The following NXPE2 variants were observed in gnomAD, a reference collection of about 807,000 sequenced individuals.
The protein encoded by NXPE2 is NXPE family member 2.
A neutral mutation model predicts 34.4 loss-of-function variants in NXPE2; 34 were observed. That is an observed-to-expected ratio of 0.99 (90% CI 0.75 to 1.31). The LOEUF (loss-of-function observed/expected upper bound fraction) is 1.31, where lower values mean the gene tolerates loss of function less well. NXPE2 is among the 40% of genes most tolerant of loss of function. The probability of loss-of-function intolerance (pLI) is 0.00; values close to 1 mark genes in which losing one functional copy is unlikely to be tolerated. For missense variants in NXPE2, 649 were observed against 672.5 expected, an observed-to-expected ratio of 0.97 and a Z score of 0.39; for synonymous variants, 235 against 231.3, an observed-to-expected ratio of 1.02 and a Z score of -0.15.
the NXPE2 span, among the ~76,000 whole-genome samples, chr11:114,813,678 A>G: frequency 1.3e-5 from 2 of 152,266 alleles, no homozygotes; most frequent in African/African-American, 2.4e-5. Context: ...CAAATGTTGC[A>G]ATGAATAAAA....
At chr11:114,582,994 A>G in the NXPE2 span, 15 of 1,613,186 alleles carry the variant, frequency 9.3e-6, no homozygotes, top group Non-Finnish European at 1.3e-5. Flanking sequence ...TAATGGAGGG[A>G]GATGGATAAG....
chr11:114,691,724 G>C (rs1951154032), intron 2 of NXPE2, among the ~76,000 whole-genome samples: 1 of 152,240 alleles, frequency 6.6e-6, no homozygotes, highest in Non-Finnish European at 1.5e-5. Context: ...ACCTTCAGTA[G>C]TTGGTGCCAT....
chr11:114,495,630 A>G, the NXPE2 span, among the ~76,000 whole-genome samples: 2 of 151,982 alleles, frequency 1.3e-5, no homozygotes, highest in African/African-American at 2.4e-5. Flanking sequence ...TCACACCTGC[A>G]GCCAGCATGG....
the NXPE2 span, among the ~76,000 whole-genome samples, chr11:114,468,487 AT>A: frequency 6.6e-6 from 1 of 152,222 alleles, no homozygotes; most frequent in Non-Finnish European, 1.5e-5. Flanking sequence ...TATTTAACAA[AT>A]GCTTAGGTAG....
At chr11:114,482,411 A>G in the NXPE2 span, among the ~76,000 whole-genome samples, 2 of 152,226 alleles carry the variant, frequency 1.3e-5, no homozygotes, top group African/African-American at 4.8e-5. Flanking sequence ...TACCCTGAGT[A>G]CTCATGAAAG....
the NXPE2 span, chr11:114,523,241 T>C: frequency 1.6e-6 from 1 of 620,906 alleles, no homozygotes; most frequent in Admixed American, 2.9e-5. Context: ...TCTTTGATCA[T>C]TAGCTTTGCT....
the NXPE2 span, among the ~76,000 whole-genome samples, chr11:114,744,261 G>C: frequency 1.3e-5 from 2 of 152,160 alleles, no homozygotes; most frequent in African/African-American, 4.8e-5. Context: ...TGGCCAAAAC[G>C]TCTGTTACTC....
At chr11:114,632,217 ATGTATATATGTATAATATATATGTATATG>A in the NXPE2 span, among the ~76,000 whole-genome samples, 2 of 140,796 alleles carry the variant, frequency 1.4e-5, no homozygotes, top group South Asian at 2.1e-4. Context: ...ATATATGTAT[ATGTATATATGTATAATATATATGTATATG>A]TGTATATATG....
chr11:114,695,162 T>C (rs560105303), intron 2 of NXPE2, among the ~76,000 whole-genome samples: 1 of 152,338 alleles, frequency 6.6e-6, no homozygotes, highest in South Asian at 2.1e-4. Flanking sequence ...TCCATGTTTA[T>C]GTGTCTCCTA....
At chr11:114,788,048 A>G in the NXPE2 span, among the ~76,000 whole-genome samples, 3 of 152,122 alleles carry the variant, frequency 2.0e-5, no homozygotes, top group Admixed American at 1.3e-4. Context: ...GTATAATAAT[A>G]AAGACCTTGG....
At chr11:114,587,288 T>G in the NXPE2 span, among the ~76,000 whole-genome samples, 3 of 152,234 alleles carry the variant, frequency 2.0e-5, no homozygotes, top group African/African-American at 7.2e-5. Flanking sequence ...GCACCTATTC[T>G]GCCTCCAATT....
At chr11:114,583,732 C>T in the NXPE2 span, 2 of 526,264 alleles carry the variant, frequency 3.8e-6, no homozygotes, top group South Asian at 3.0e-5. Flanking sequence ...TCTGGGCCAC[C>T]TTGGAACTGC....
At chr11:114,803,511 T>C in the NXPE2 span, among the ~76,000 whole-genome samples, 2 of 151,862 alleles carry the variant, frequency 1.3e-5, no homozygotes, top group East Asian at 1.9e-4. Flanking sequence ...CTTTTCCTCA[T>C]AGATGGTGCC....
chr11:114,645,465 G>A, the NXPE2 span, among the ~76,000 whole-genome samples: 1 of 152,002 alleles, frequency 6.6e-6, no homozygotes. Context: ...AGAATAAAAG[G>A]ATTTCTGAAA....
the NXPE2 span, among the ~76,000 whole-genome samples, chr11:114,592,526 C>A: frequency 6.6e-6 from 1 of 151,844 alleles, no homozygotes; most frequent in Non-Finnish European, 1.5e-5. Flanking sequence ...CACACACACA[C>A]ACACTCACAC....
chr11:114,681,899 C>T (rs1038897849), intron 2 of NXPE2, among the ~76,000 whole-genome samples: 1 of 151,968 alleles, frequency 6.6e-6, no homozygotes, highest in Non-Finnish European at 1.5e-5. Context: ...TTAATAAGGT[C>T]AGAAAAAGAC....
the NXPE2 span, among the ~76,000 whole-genome samples, chr11:114,468,089 G>A: frequency 6.6e-6 from 1 of 150,570 alleles, no homozygotes; most frequent in African/African-American, 2.5e-5. Flanking sequence ...ATTGTCTTGG[G>A]CCACACATAA....
chr11:114,718,385 T>A, the NXPE2 span, among the ~76,000 whole-genome samples: 1 of 152,178 alleles, frequency 6.6e-6, no homozygotes. Flanking sequence ...AAAGTCAACA[T>A]TAACAACAAA....
chr11:114,603,134 A>G, the NXPE2 span, among the ~76,000 whole-genome samples: 2 of 151,698 alleles, frequency 1.3e-5, no homozygotes, highest in Admixed American at 1.3e-4. Flanking sequence ...TCTAGTGGAT[A>G]ATAATTATTG....
Sources: gnomAD v4.1 joint callset for allele counts (sites outside exome capture counted in the v4.1 genomes callset) on GRCh38, gnomAD v4.1.1 for gene constraint, MANE v1.5 for transcripts, NCBI Gene and HGNC (gene_info 2026-07-23, HGNC 2026-07-21) for gene names.